The following COL4A5 variants were observed in gnomAD, a reference collection of about 807,000 sequenced individuals.
COL4A5 encodes the protein collagen alpha-5(IV) chain.
Under a neutral mutation model 130.2 loss-of-function variants are expected in COL4A5, and 26 were observed. The observed-to-expected ratio is 0.20, with a 90% confidence interval of 0.15 to 0.28. The LOEUF is 0.28. Ranked by LOEUF, COL4A5 falls within the 10% of genes least tolerant of loss-of-function variation. The pLI, the probability that COL4A5 is intolerant of heterozygous loss-of-function variation, is 1.00. For missense variants in COL4A5, 1,131 were observed against 1,344.3 expected (o/e 0.84, Z 2.48); for synonymous variants, 496 against 439.6 (o/e 1.13, Z -1.60).
chrX:108,642,581 A>C (rs1024491101), intron 36 of COL4A5, among the ~76,000 whole-genome samples: 30 of 111,117 alleles, frequency 2.7e-4, no homozygotes, highest in Non-Finnish European at 2.6e-4. Context: ...GACAATTCTC[A>C]GTAGCAGCTG....
chrX:108,689,565 G>A, intron 49 of COL4A5: 2 of 754,403 alleles, frequency 2.7e-6, no homozygotes, highest in Non-Finnish European at 3.1e-6. Context: ...CCATGACGGA[G>A]CCCAAGATCC....
intron 27 of COL4A5, among the ~76,000 whole-genome samples, chrX:108,602,622 G>C (rs1478447458): frequency 8.9e-6 from 1 of 111,805 alleles, no homozygotes; most frequent in Admixed American, 9.5e-5. Context: ...TTATATGGTA[G>C]GCCCTTTGTC....
chrX:108,597,959 G>C lies in COL4A5; in HGVS notation c.1779+391G>C, dbSNP rs559094631. ...TAATCCCAGCACTTTGCGAGGCTGA[G>C]GTGGGCGGATCACCTGAGGTCAGGA... On this transcript the variant is annotated intron_variant, in intron 24 of 52. Transcript: ENST00000328300. Among the ~76,000 whole-genome samples, 66 of 110,609 alleles carry C rather than the reference G, an allele frequency of 6.0e-4. No homozygotes were observed. In the South Asian group the frequency reaches 0.024, roughly 41 times the overall value.
rs1258505968 is a variant in COL4A5 at position 108,620,416 on chromosome X, T to C, written c.2667T>C (p.Ser889=). The part of the protein sequence containing the change: ...SPGLPGKAGA[S]GFPGTKGEMG... The stretch of plus-strand genomic sequence containing the variant: ...GGCTTCCAGGAAAAGCAGGTGCCTC[T>C]GGATTTCCAGGTAATTTGTTTAAAG... The change falls in exon 31 of 53, where the codon TCT becomes TCC. Residue 889 remains serine (S), a synonymous_variant. Transcript: ENST00000328300. 1.7e-6 allele frequency: 2 copies of C among 1,208,176 alleles called. No individual in the cohort carries two copies. The highest frequency in any genetic ancestry group is 4.4e-5 in the Admixed American group (2 of 45,955).
chrX:108,696,204 C>T, intron 52 of COL4A5, 93 bp from the exon 53 acceptor site: 1 of 729,829 alleles, frequency 1.4e-6, no homozygotes, highest in East Asian at 3.2e-5. Flanking sequence ...AGCTACTTAA[C>T]ACACAAAAAA....
In COL4A5 at chrX:108,626,275, T is replaced by A. The variant is rs749510368; in HGVS notation, c.3172T>A (p.Leu1058Ile). 1 of 1,210,119 alleles carries A rather than the reference T, an allele frequency of 8.3e-7. No homozygotes were observed. Among genetic ancestry groups the A allele is most frequent in the Non-Finnish European group, 1.1e-6 (1 of 894,378 alleles). ...TCCTGGACAACCTGGCTCCCCAGGA[T>A]TACCTGGACAGAAAGGCGACAAAGG... Reference protein sequence around the residue: ...GVPGQPGSPGLPGQKGDKGDP... With the variant: ...GVPGQPGSPGIPGQKGDKGDP... The change falls in exon 36 of 53, where the codon TTA (leucine) becomes ATA (isoleucine). Residue 1058 changes from leucine (L) to isoleucine (I), a missense_variant. Physicochemically the swap from Leu to Ile is conservative, Grantham distance 5. Coordinates refer to ENST00000328300, the MANE Select transcript of COL4A5 (RefSeq NM_033380.3).
At chrX:108,447,960 A>C (rs1422089958) in intron 1 of COL4A5, among the ~76,000 whole-genome samples, 1 of 111,861 alleles carries the variant, frequency 8.9e-6, no homozygotes, top group Non-Finnish European at 1.9e-5. Context: ...GTGATATGTG[A>C]CACATAGGCT....
At chrX:108,573,816 C>T (rs1425632776) in intron 9 of COL4A5, among the ~76,000 whole-genome samples, 162 bp downstream of exon 9, 1 of 111,372 alleles carries the variant, frequency 9.0e-6, no homozygotes, top group African/African-American at 3.3e-5. Flanking sequence ...GCAATCTGGA[C>T]CAGGGAGAAT....
intron 37 of COL4A5, 31 bp from the exon 38 acceptor site, chrX:108,665,476 T>G (rs2068058396): frequency 8.4e-6 from 9 of 1,073,751 alleles, no homozygotes; most frequent in Non-Finnish European, 1.2e-5. Context: ...GCAGTTTTTC[T>G]TTCATTTTTA....
chrX:108,683,823 C>A (rs1308571129), intron 47 of COL4A5, among the ~76,000 whole-genome samples: 1 of 111,553 alleles, frequency 9.0e-6, no homozygotes, highest in Non-Finnish European at 1.9e-5. Context: ...AATATAGAAT[C>A]ATGTAATCTG....
chrX:108,548,674 C>G (rs1395208235), intron 2 of COL4A5, among the ~76,000 whole-genome samples: 1 of 110,759 alleles, frequency 9.0e-6, no homozygotes, highest in Non-Finnish European at 1.9e-5. Flanking sequence ...TATACCTAGG[C>G]CCATCATAAT....
chrX:108,507,165 G>A (rs752455499), intron 1 of COL4A5, among the ~76,000 whole-genome samples: 28 of 104,858 alleles, frequency 2.7e-4, no homozygotes, highest in African/African-American at 8.8e-4. Context: ...AAAATTTGAG[G>A]AGGAGGGACT....
intron 1 of COL4A5, among the ~76,000 whole-genome samples, chrX:108,527,848 C>T (rs1350981975): frequency 8.9e-6 from 1 of 111,984 alleles, no homozygotes; most frequent in East Asian, 2.8e-4. Context: ...TGGTACCTGC[C>T]TGCAAGCACC....
At chrX:108,603,876 C>G (rs753082631) in intron 28 of COL4A5, among the ~76,000 whole-genome samples, 7 of 112,097 alleles carry the variant, frequency 6.2e-5, no homozygotes, top group African/African-American at 2.3e-4. Context: ...CAACACTGTT[C>G]CCAGCATCTT....
At chrX:108,527,671 C>T (rs2065340221) in intron 1 of COL4A5, among the ~76,000 whole-genome samples, 1 of 111,493 alleles carries the variant, frequency 9.0e-6, no homozygotes, top group Admixed American at 9.5e-5. Context: ...GGTGCTTGCA[C>T]TCACCATTGG....
intron 1 of COL4A5, among the ~76,000 whole-genome samples, chrX:108,469,636 T>A (rs1319097528): frequency 8.9e-6 from 1 of 112,047 alleles, no homozygotes; most frequent in Non-Finnish European, 1.9e-5. Flanking sequence ...TCTTTTTGCT[T>A]TAAAGCTATA....
At chrX:108,584,785 G>A (rs759985195) in intron 18 of COL4A5, among the ~76,000 whole-genome samples, 1 of 106,396 alleles carries the variant, frequency 9.4e-6, no homozygotes, top group African/African-American at 3.4e-5. Flanking sequence ...CCTCATGATT[G>A]CCAGATCATT....
At chrX:108,626,112 A>G in intron 35 of COL4A5, 98 bp from the exon 36 acceptor site, 1 of 830,104 alleles carries the variant, frequency 1.2e-6, no homozygotes, top group East Asian at 3.4e-5. Flanking sequence ...GAGTTTGCGG[A>G]GCTTTTTAAA....
intron 1 of COL4A5, among the ~76,000 whole-genome samples, chrX:108,470,331 A>C (rs1332464966): frequency 1.8e-5 from 2 of 112,077 alleles, no homozygotes; most frequent in Non-Finnish European, 3.8e-5. Flanking sequence ...CTTTTTAATA[A>C]TAGCCATTCT....
Sources: allele counts gnomAD v4.1 joint callset (sites outside exome capture counted in the v4.1 genomes callset), GRCh38; gene constraint gnomAD v4.1.1; transcripts MANE v1.5; gene names NCBI Gene and HGNC (gene_info 2026-07-23, HGNC 2026-07-21).